The following PIEZO2 variants were observed in gnomAD, a reference collection of about 807,000 sequenced individuals.
PIEZO2 encodes piezo-type mechanosensitive ion channel component 2.
Under a neutral mutation model 337.3 loss-of-function variants are expected in PIEZO2, and 172 were observed. That is an observed-to-expected ratio of 0.51 (90% CI 0.45 to 0.58). The LOEUF is 0.58. PIEZO2 is among the 20% of genes least tolerant of loss of function. The probability of loss-of-function intolerance (pLI) is 0.00; values close to 1 mark genes in which losing one functional copy is unlikely to be tolerated. For synonymous variants in PIEZO2, 1,251 were observed against 1,228.5 expected (o/e 1.02, Z -0.38); for missense variants, 3,028 against 3,391.3 (o/e 0.89, Z 2.66).
chr18:10,693,607 C>T (rs1257877781), intron 47 of PIEZO2, among the ~76,000 whole-genome samples: 2 of 151,658 alleles, frequency 1.3e-5, no homozygotes, highest in Non-Finnish European at 2.9e-5. Context: ...ACCTTGTGAT[C>T]CACCTGGCCC....
intron 11 of PIEZO2, among the ~76,000 whole-genome samples, chr18:10,798,612 C>T (rs902273606): frequency 1.3e-5 from 2 of 152,140 alleles, no homozygotes; most frequent in African/African-American, 4.8e-5. Context: ...AAAATCTTTC[C>T]AGCTTTTGTT....
chr18:10,762,890 G>T (rs1230326122), intron 22 of PIEZO2, 32 bp downstream of exon 22: 1 of 1,530,404 alleles, frequency 6.5e-7, no homozygotes. Flanking sequence ...CTAAAGGGCA[G>T]TCAGGAATAT....
intron 1 of PIEZO2, among the ~76,000 whole-genome samples, chr18:11,115,330 T>A (rs927532293): frequency 7.2e-5 from 11 of 152,212 alleles, no homozygotes; most frequent in Non-Finnish European, 1.0e-4. Flanking sequence ...AAGAAAACAT[T>A]ACAAAAGAAC....
At chr18:10,693,959 T>C (rs1399314064) in intron 47 of PIEZO2, among the ~76,000 whole-genome samples, 1 of 152,174 alleles carries the variant, frequency 6.6e-6, no homozygotes, top group Non-Finnish European at 1.5e-5. Flanking sequence ...ATAATATTTG[T>C]ACAAGCAGTG....
intron 3 of PIEZO2, among the ~76,000 whole-genome samples, chr18:10,950,234 A>G (rs1346128883): frequency 6.6e-6 from 1 of 152,222 alleles, no homozygotes; most frequent in African/African-American, 2.4e-5. Flanking sequence ...TGCTCTATGT[A>G]ACGAGACGGG....
intron 26 of PIEZO2, 23 bp from the exon 27 acceptor site, chr18:10,758,157 A>T: frequency 3.3e-6 from 5 of 1,534,696 alleles, no homozygotes; most frequent in Non-Finnish European, 4.4e-6. Context: ...AGGTGAGATC[A>T]TTAAGCCGCC....
rs1378071178 is a variant in PIEZO2, at chr18:10,671,574, G to A, written c.8551C>T (p.Arg2851Cys). The change falls in exon 56 of 56, where the codon CGC becomes TGC. Residue 2851 changes from arginine (R) to cysteine (C), a missense_variant. Coordinates refer to ENST00000674853, the MANE Select transcript of PIEZO2 (RefSeq NM_001378183.1). ...CATTTGATCATTGTCTCTGGTGAGC[G>A]ATATAGGAATATTAATTTGGCATAG... ...DLYAKLIFLYRSPETMIKWTR... is the reference protein window; with the variant it reads ...DLYAKLIFLYCSPETMIKWTR... The A allele has an allele frequency of 3.7e-6, 6 of 1,613,546 alleles. No individual in the cohort carries two copies. The highest frequency in any genetic ancestry group is 1.7e-5 in the Admixed American group (1 of 59,996).
chr18:11,055,825 G>A (rs79899045), intron 2 of PIEZO2, among the ~76,000 whole-genome samples: 2 of 152,320 alleles, frequency 1.3e-5, no homozygotes, highest in African/African-American at 4.8e-5. Context: ...ATCTGGCCGA[G>A]TGTGTGCACC....
chr18:10,896,424 A>C (rs555653469), intron 4 of PIEZO2, among the ~76,000 whole-genome samples: 3 of 152,328 alleles, frequency 2.0e-5, no homozygotes, highest in Admixed American at 1.3e-4. Context: ...CAGCAAATCC[A>C]CTGAAATTAC....
chr18:10,797,232 A>G lies in PIEZO2; in HGVS notation c.1527+142T>C, dbSNP rs532824213. The G allele has an allele frequency of 2.1e-4, 134 of 625,328 alleles. No homozygotes were observed. In the African/African-American group the frequency reaches 2.2e-3, roughly 10 times the overall value. The allele number at this position is 625,328 out of a possible 1,614,324, so 38.7% of individuals were successfully genotyped here. On this transcript the variant is annotated intron_variant, in intron 12 of 55. Transcript: ENST00000674853. ...ATATCTTACATACCATCATATATGT[A>G]CTATCATGTCATATCATACATACCA...
In PIEZO2 at chr18:11,126,341, C is replaced by T. The variant is rs2040181580; in HGVS notation, c.64+22184G>A. ...ATCACTCCCCTCTCTCCTTTCTGTT[C>T]AAATGCAAGGACTCACCTCATTGCA... On this transcript the variant is annotated intron_variant, in intron 1 of 55. Coordinates refer to ENST00000674853, the MANE Select transcript of PIEZO2 (RefSeq NM_001378183.1). The surrounding 1 kb of genome is among the most constrained non-coding windows in gnomAD (Gnocchi z 4.6). Among the ~76,000 whole-genome samples the T allele has an allele frequency of 6.6e-6, 1 of 152,140 alleles. No individual in the cohort carries two copies. Among genetic ancestry groups the T allele is most frequent in the African/African-American group, 2.4e-5 (1 of 41,432 alleles).
In PIEZO2 at chr18:10,748,778, C is replaced by T; in HGVS notation, c.4265-148G>A. On this transcript the variant is annotated intron_variant, in intron 29 of 55. Coordinates refer to ENST00000674853, the MANE Select transcript of PIEZO2 (RefSeq NM_001378183.1). This position sits in a 1 kb window ranked among gnomAD's most constrained non-coding sequence, Gnocchi z 5.1. ...ACTTACTTATGAGTTGATTTATTTACAAGGAGATCACACACTTCCAATCCA... is the reference window on the plus strand; with the variant it reads ...ACTTACTTATGAGTTGATTTATTTATAAGGAGATCACACACTTCCAATCCA... The T allele has an allele frequency of 2.8e-6, 2 of 724,528 alleles. No homozygotes were observed. The highest frequency in any genetic ancestry group is 4.3e-6 in the Non-Finnish European group (2 of 467,612). The allele number at this position is 724,528 out of a possible 1,614,324, so 44.9% of individuals were successfully genotyped here. A position where few individuals can be genotyped will look rare whatever the true frequency, so the allele number is the denominator to read the frequency against.
intron 1 of PIEZO2, among the ~76,000 whole-genome samples, chr18:11,121,059 C>T (rs2040016579): frequency 1.3e-5 from 2 of 152,014 alleles, no homozygotes; most frequent in South Asian, 4.2e-4. Context: ...TCAAGACCAG[C>T]CTGGCCAACA....
intron 36 of PIEZO2, among the ~76,000 whole-genome samples, chr18:10,728,968 A>AC (rs1567993060): frequency 6.7e-6 from 1 of 148,400 alleles, no homozygotes; most frequent in African/African-American, 2.5e-5. Flanking sequence ...AAAAAAAAAA[A>AC]AAAAAACAAA....
At position 10,878,782 on chromosome 18, in the gene PIEZO2, G is replaced by GAA. The variant is rs576742005; in HGVS notation, c.330-7369_330-7368dup. Among the ~76,000 whole-genome samples, 519 of 139,466 alleles carry GAA rather than the reference G, an allele frequency of 3.7e-3. 1 individual carries two copies. The highest frequency in any genetic ancestry group is 0.012 in the African/African-American group (468 of 38,784). 91.5% of individuals were successfully genotyped at this position (139,466 alleles called of 152,430 possible). ...AGACCATACAAAGCTTGGATGTTTTGAAAAAAAAAAAAAATCACATAACCA... is the reference window on the plus strand; with the variant it reads ...AGACCATACAAAGCTTGGATGTTTTGAAAAAAAAAAAAAAAATCACATAACCA... On this transcript the variant is annotated intron_variant, in intron 4 of 55. Coordinates refer to ENST00000674853, the MANE Select transcript of PIEZO2 (RefSeq NM_001378183.1). This position sits in a 1 kb window ranked among gnomAD's most constrained non-coding sequence, Gnocchi z 4.3.
chr18:10,931,984 G>A (rs264254), intron 3 of PIEZO2, among the ~76,000 whole-genome samples: 94,032 of 151,946 alleles, frequency 0.62, 29,446 homozygotes, highest in East Asian at 0.74. Context: ...CTTAGATACG[G>A]ATATATCTTT....
intron 3 of PIEZO2, among the ~76,000 whole-genome samples, chr18:10,957,370 C>G (rs1263423166): frequency 6.6e-6 from 1 of 150,426 alleles, no homozygotes; most frequent in Non-Finnish European, 1.5e-5. Flanking sequence ...GCACTCCAGC[C>G]TGGGTGACAG....
In PIEZO2 at chr18:10,859,885, G is replaced by T. The variant is rs1029849547; in HGVS notation, c.493-2674C>A. Reference sequence around the variant, plus strand: ...GTGCTGGAGGAGAGGGGAGGGAGTGGTGGGGCTGAAGTGAAGATCCTGTCT... The same window carrying T: ...GTGCTGGAGGAGAGGGGAGGGAGTGTTGGGGCTGAAGTGAAGATCCTGTCT... On this transcript the variant is annotated intron_variant, in intron 5 of 55. Coordinates refer to ENST00000674853, the MANE Select transcript of PIEZO2 (RefSeq NM_001378183.1). The surrounding 1 kb of genome is among the most constrained non-coding windows in gnomAD (Gnocchi z 4.9). Among the ~76,000 whole-genome samples, 2 of 152,138 alleles carry T rather than the reference G, an allele frequency of 1.3e-5. No individual in the cohort carries two copies. The highest frequency in any genetic ancestry group is 2.9e-5 in the Non-Finnish European group (2 of 68,034).
chr18:10,696,358 C>G, intron 46 of PIEZO2, 34 bp downstream of exon 46: 1 of 1,614,078 alleles, frequency 6.2e-7, no homozygotes, highest in Non-Finnish European at 8.5e-7. Flanking sequence ...CGCCATGGGT[C>G]AGGGCGGGTG....
Sources: allele counts gnomAD v4.1 joint callset (sites outside exome capture counted in the v4.1 genomes callset), GRCh38; gene constraint gnomAD v4.1.1; non-coding constraint Gnocchi (gnomAD v3.1); transcripts MANE v1.5; gene names NCBI Gene and HGNC (gene_info 2026-07-23, HGNC 2026-07-21).